Variants in RHOBTB2 observed in about 807,000 individuals in gnomAD.
RHOBTB2 encodes rho-related BTB domain-containing protein 2.
A neutral mutation model predicts 66.5 loss-of-function variants in RHOBTB2; 39 were observed. The ratio of observed to expected loss-of-function variants is 0.59; its 90% CI spans 0.45 to 0.77. The LOEUF (loss-of-function observed/expected upper bound fraction) is 0.77. Ranked by LOEUF, RHOBTB2 falls within the 30% of genes least tolerant of loss-of-function variation. RHOBTB2 has a pLI of 0.00. For synonymous variants in RHOBTB2, 390 were observed against 395.0 expected (o/e 0.99, Z 0.15); for missense variants, 755 against 999.1 (o/e 0.76, Z 3.29).
the RHOBTB2 span, among the ~76,000 whole-genome samples, chr8:22,960,230 T>C: frequency 4.6e-5 from 7 of 150,846 alleles, no homozygotes; most frequent in Admixed American, 4.6e-4. Flanking sequence ...AAAAAACAAG[T>C]TGAAATGCTT....
chr8:23,017,148 G>A lies in RHOBTB2; in HGVS notation c.1967-104G>A. On this transcript the variant is annotated intron_variant, in intron 9 of 9. Transcript: ENST00000251822. This position sits in a 1 kb window ranked among gnomAD's most constrained non-coding sequence, Gnocchi z 5.3. ...GTCATGGGGATGTGCTGGGGGCTGG[G>A]CTGGAGGCCTGCTGCAGGCCTTGTG... 6.9e-7 allele frequency: 1 copy of A among 1,445,974 alleles called. No individual in the cohort carries two copies. The highest frequency in any genetic ancestry group is 9.5e-7 in the Non-Finnish European group (1 of 1,047,888). 89.6% of individuals were successfully genotyped at this position (1,445,974 alleles called of 1,614,324 possible). A position where few individuals can be genotyped will look rare whatever the true frequency, so the allele number is the denominator to read the frequency against.
upstream of RHOBTB2, chr8:22,999,490 C>G (rs1003337515): frequency 3.2e-5 from 31 of 983,518 alleles, no homozygotes; most frequent in African/African-American, 5.3e-4. Flanking sequence ...CCTTCTTCCC[C>G]CGCCCGCCCC....
rs61732770 is a variant in RHOBTB2 at position 23,004,602 on chromosome 8, C to T, written c.168C>T (p.Ile56=). The T allele has an allele frequency of 6.9e-4, 1,110 of 1,613,760 alleles. 8 individuals are homozygous for T. The African/African-American group carries it at 0.011, about 16-fold the overall frequency. The part of the protein sequence containing the change: ...LATHVPTVWA[I]DQYRVCQEVL... ...CGCATGTGCCCACAGTATGGGCCAT[C>T]GACCAATATCGTGTGTGCCAGGAGG... Residue 56 remains isoleucine, a synonymous_variant, in exon 2 of 10, where the codon ATC becomes ATT. Coordinates refer to ENST00000251822, the MANE Select transcript of RHOBTB2 (RefSeq NM_015178.3). The surrounding 1 kb of genome is among the most constrained non-coding windows in gnomAD (Gnocchi z 6.4).
rs1810424204 is a variant in RHOBTB2 at position 22,991,463 on chromosome 8, A to G, written c.-136-605A>G. On this transcript the variant is annotated intron_variant, in intron 1 of 11. Coordinates refer to the RHOBTB2 transcript ENST00000519685. ...AAGAAGGAGAAAAGAGGGGTCTGTG[A>G]AGATGGGCTGGAGGGTCTTTGATGG... Among the ~76,000 whole-genome samples, 4 of 152,304 alleles carry G rather than the reference A, an allele frequency of 2.6e-5. No homozygotes were observed. The South Asian group carries it at 8.3e-4, about 32-fold the overall frequency.
chr8:22,951,244 CTTTTTTTTTTTTTTT>C, the RHOBTB2 span, among the ~76,000 whole-genome samples: 9 of 87,966 alleles, frequency 1.0e-4, no homozygotes, highest in Non-Finnish European at 1.6e-4. Flanking sequence ...CTACTTAGCT[CTTTTTTTTTTTTTTT>C]TTTTTTTTTT....
chr8:23,004,398 C>T lies in RHOBTB2; in HGVS notation c.-10-27C>T, dbSNP rs1387242523. The T allele has an allele frequency of 1.2e-6, 2 of 1,605,994 alleles. No individual in the cohort carries two copies. Among genetic ancestry groups the T allele is most frequent in the Admixed American group, 1.7e-5 (1 of 60,000 alleles). On this transcript the variant is annotated intron_variant, in intron 1 of 9. Coordinates refer to ENST00000251822, the MANE Select transcript of RHOBTB2 (RefSeq NM_015178.3). This position sits in a 1 kb window ranked among gnomAD's most constrained non-coding sequence, Gnocchi z 6.4. ...ACGGCGAGCTGGCATGCCATGCCGT[C>T]CTGACCGCCTCCCTCCTCTCCCTCA...
the RHOBTB2 span, among the ~76,000 whole-genome samples, chr8:22,960,000 C>CT: frequency 2.7e-5 from 1 of 37,410 alleles, no homozygotes; most frequent in African/African-American, 2.1e-4. Flanking sequence ...CCCATCTCTA[C>CT]TAAAAAAAAA....
Position 23,004,624 on chromosome 8 carries a change from G to C in RHOBTB2, c.190G>C (p.Glu64Gln). The change falls in exon 2 of 10, where the codon GAG becomes CAG. Residue 64 changes from glutamate to glutamine, a missense_variant and splice_region_variant. This residue lies in a region of RHOBTB2 where 65 missense variants were observed against 152.4 expected (regional missense o/e 0.43). Transcript: ENST00000251822. The surrounding 1 kb of genome is among the most constrained non-coding windows in gnomAD (Gnocchi z 6.4). The part of the protein sequence containing the change: ...WAIDQYRVCQ[E>Q]VLERSRDVVD... ...CATCGACCAATATCGTGTGTGCCAG[G>C]AGGTAAGGCTGCAGGACTACCTGGC... 6.2e-7 allele frequency: 1 copy of C among 1,612,390 alleles called. No individual in the cohort carries two copies. Among genetic ancestry groups the C allele is most frequent in the South Asian group, 1.1e-5 (1 of 90,918 alleles).
chr8:22,999,991 G>A lies in RHOBTB2; in HGVS notation c.-125G>A. On this transcript the variant is annotated 5_prime_UTR_variant, in exon 1 of 10. Coordinates refer to ENST00000251822, the MANE Select transcript of RHOBTB2 (RefSeq NM_015178.3). ...GCCCAGCAGCAGCGCGGCGGCGCCGGCGTCGTCCCAACTTGCAGGCGCGGA... is the reference window on the plus strand; with the variant it reads ...GCCCAGCAGCAGCGCGGCGGCGCCGACGTCGTCCCAACTTGCAGGCGCGGA... 1 of 985,616 alleles carries A rather than the reference G, an allele frequency of 1.0e-6. No homozygotes were observed. The highest frequency in any genetic ancestry group is 1.2e-6 in the Non-Finnish European group (1 of 830,066). 61.1% of individuals were successfully genotyped at this position (985,616 alleles called of 1,614,324 possible). A position where few individuals can be genotyped will look rare whatever the true frequency, so the allele number is the denominator to read the frequency against.
At chr8:22,990,491 T>C (rs1585179502) in intron 1 of RHOBTB2, among the ~76,000 whole-genome samples, 2 of 152,168 alleles carry the variant, frequency 1.3e-5, no homozygotes, top group East Asian at 1.9e-4. Context: ...GGGCGGCCGC[T>C]GTGAGGCTTT....
chr8:22,978,384 G>A, the RHOBTB2 span, among the ~76,000 whole-genome samples: 1 of 151,622 alleles, frequency 6.6e-6, no homozygotes, highest in Non-Finnish European at 1.5e-5. Context: ...CTACTCAGGA[G>A]GCTGAGGCAG....
chr8:22,952,132 C>T, the RHOBTB2 span, among the ~76,000 whole-genome samples: 1 of 152,260 alleles, frequency 6.6e-6, no homozygotes, highest in Admixed American at 6.5e-5. Context: ...ACCTCCATAG[C>T]CAGAACGCTG....
Position 23,006,714 on chromosome 8 carries a change from C to A in RHOBTB2, c.483-14C>A, listed in dbSNP as rs779426507. ...CCACCAACACAAGCTTGGTTTCCTT[C>A]TTGAACCTACCAGGCCCATCAAACC... On this transcript the variant is annotated splice_polypyrimidine_tract_variant and intron_variant, in intron 4 of 9. Coordinates refer to ENST00000251822, the MANE Select transcript of RHOBTB2 (RefSeq NM_015178.3). The surrounding 1 kb of genome is among the most constrained non-coding windows in gnomAD (Gnocchi z 6.1). 1 of 1,597,040 alleles carries A rather than the reference C, an allele frequency of 6.3e-7. No homozygotes were observed.
At chr8:23,009,799 G>A (rs1366409792) in intron 6 of RHOBTB2, among the ~76,000 whole-genome samples, 2 of 152,144 alleles carry the variant, frequency 1.3e-5, no homozygotes, top group Non-Finnish European at 2.9e-5. Context: ...CAAAATGTGA[G>A]ACTAGGAGCT....
the RHOBTB2 span, among the ~76,000 whole-genome samples, chr8:22,963,528 A>T: frequency 8.1e-6 from 1 of 123,046 alleles, no homozygotes; most frequent in African/African-American, 2.5e-5. Context: ...ACAACTTAAC[A>T]AAGTGAAAAA....
At chr8:23,001,874 A>T (rs1248111044) in intron 1 of RHOBTB2, among the ~76,000 whole-genome samples, 1 of 152,142 alleles carries the variant, frequency 6.6e-6, no homozygotes, top group Non-Finnish European at 1.5e-5. Flanking sequence ...GGGTTGCGCA[A>T]CCCAGAAGGT....
chr8:22,959,097 G>A, the RHOBTB2 span, among the ~76,000 whole-genome samples: 1 of 152,220 alleles, frequency 6.6e-6, no homozygotes. Context: ...CCCCTTAGGG[G>A]ATGTATCAGA....
chr8:22,977,306 G>A, the RHOBTB2 span, among the ~76,000 whole-genome samples: 2 of 152,090 alleles, frequency 1.3e-5, no homozygotes. Context: ...AAGGCCAGGT[G>A]TAGTGACTCA....
the RHOBTB2 span, among the ~76,000 whole-genome samples, chr8:22,975,303 A>C: frequency 3.9e-5 from 6 of 152,040 alleles, no homozygotes; most frequent in African/African-American, 1.4e-4. Context: ...AGCTGGGGAG[A>C]TCCTGAAGTT....
Sources: allele counts gnomAD v4.1 joint callset (sites outside exome capture counted in the v4.1 genomes callset), GRCh38; gene constraint gnomAD v4.1.1; regional missense constraint gnomAD v4.1.1; non-coding constraint Gnocchi (gnomAD v3.1); transcripts MANE v1.5; gene names NCBI Gene and HGNC (gene_info 2026-07-23, HGNC 2026-07-21).